MMS22L: variants seen among roughly 807,000 people sequenced by gnomAD.
MMS22L encodes MMS22 like, DNA repair protein.
Under a neutral mutation model 159.1 loss-of-function variants are expected in MMS22L, and 74 were observed. The observed-to-expected ratio is 0.47, with a 90% confidence interval of 0.39 to 0.56. MMS22L has a LOEUF of 0.56. MMS22L is among the 20% of genes least tolerant of loss of function. MMS22L has a pLI of 0.00. For missense variants in MMS22L, 1,351 were observed against 1,422.1 expected (o/e 0.95, Z 0.80); for synonymous variants, 517 against 506.9 (o/e 1.02, Z -0.27).
At chr6:97,231,795 A>G (rs1810902998) in intron 12 of MMS22L, 143 bp from the exon 13 acceptor site, 1 of 649,864 alleles carries the variant, frequency 1.5e-6, no homozygotes, top group Non-Finnish European at 2.6e-6. Context: ...ATTCTCTAAA[A>G]TAAAAATTCC....
At chr6:97,189,737 TTG>T (rs1805676177) in intron 14 of MMS22L, among the ~76,000 whole-genome samples, 1 of 152,002 alleles carries the variant, frequency 6.6e-6, no homozygotes, top group African/African-American at 2.4e-5. Context: ...TGCACCCACT[TTG>T]TGTTTTTGGA....
intron 6 of MMS22L, chr6:97,271,040 T>A (rs1815682505): frequency 6.6e-6 from 1 of 152,038 alleles, no homozygotes; most frequent in Non-Finnish European, 1.5e-5. Flanking sequence ...TTGCAATACA[T>A]AATTCTGAAC....
At chr6:97,210,666 C>T (rs1286288079) in intron 14 of MMS22L, among the ~76,000 whole-genome samples, 1 of 151,904 alleles carries the variant, frequency 6.6e-6, no homozygotes, top group African/African-American at 2.4e-5. Flanking sequence ...AAAGATTGAA[C>T]TGTGTTGTAT....
intron 9 of MMS22L, among the ~76,000 whole-genome samples, chr6:97,255,395 C>T (rs1199529781): frequency 6.6e-6 from 1 of 152,040 alleles, no homozygotes; most frequent in Non-Finnish European, 1.5e-5. Context: ...TTGTAACCAT[C>T]TTAAGTAACA....
intron 6 of MMS22L, 77 bp from the exon 7 acceptor site, chr6:97,270,069 C>G: frequency 9.1e-7 from 1 of 1,093,660 alleles, no homozygotes; most frequent in Non-Finnish European, 1.4e-6. Context: ...TCACAATACT[C>G]CTCCATAAAC....
At chr6:97,274,140 GAC>G (rs1816028080) in intron 4 of MMS22L, among the ~76,000 whole-genome samples, 1 of 152,052 alleles carries the variant, frequency 6.6e-6, no homozygotes, top group Admixed American at 6.6e-5. Context: ...ATGAGTAAGA[GAC>G]AATCTAGTAA....
In MMS22L at chr6:97,229,268, CAGG is replaced by C; in HGVS notation, c.1662_1664del (p.Leu555del). ...TTACAAAAGCAGGCTTGAGGAAATT[CAGG>C]AGGTCTAAAACATGACTTGCAACAT... On this transcript the variant is annotated inframe_deletion, in exon 14 of 25. Coordinates refer to ENST00000683635, the MANE Select transcript of MMS22L (RefSeq NM_001350599.2). The C allele has an allele frequency of 1.9e-6, 3 of 1,614,156 alleles. No homozygotes were observed. The highest frequency in any genetic ancestry group is 2.5e-6 in the Non-Finnish European group (3 of 1,180,014).
At position 97,277,548 on chromosome 6, in the gene MMS22L, A is replaced by AAC. The variant is rs148516763; in HGVS notation, c.340+1299_340+1300dup. On this transcript the variant is annotated intron_variant, in intron 4 of 24. Coordinates refer to ENST00000683635, the MANE Select transcript of MMS22L (RefSeq NM_001350599.2). ...ATGCAATCACACACACTCCAAACAA[A>AAC]ACACACACACACACACAAAATGAAC... Among the ~76,000 whole-genome samples, 132 of 151,210 alleles carry AAC rather than the reference A, an allele frequency of 8.7e-4. 1 individual carries two copies. The highest frequency in any genetic ancestry group is 6.4e-3 in the South Asian group (31 of 4,808).
chr6:97,282,683 C>T (rs1211555271), intron 1 of MMS22L, 130 bp from the exon 2 acceptor site: 2 of 498,492 alleles, frequency 4.0e-6, no homozygotes, highest in East Asian at 7.5e-5. Context: ...CCCTCGCCCT[C>T]CGTCCATCAA....
At chr6:97,212,809 C>T (rs1049226708) in intron 14 of MMS22L, among the ~76,000 whole-genome samples, 2 of 152,008 alleles carry the variant, frequency 1.3e-5, no homozygotes, top group Non-Finnish European at 2.9e-5. Context: ...AAAATTTGCT[C>T]GAATGGTTTT....
intron 19 of MMS22L, among the ~76,000 whole-genome samples, chr6:97,171,874 G>A (rs1803583084): frequency 6.6e-6 from 1 of 152,112 alleles, no homozygotes. Context: ...CCTTTAACAT[G>A]AAGAAATCAT....
chr6:97,241,730 G>A (rs1032696485), intron 11 of MMS22L, among the ~76,000 whole-genome samples: 1 of 152,150 alleles, frequency 6.6e-6, no homozygotes, highest in East Asian at 1.9e-4. Context: ...ACTTTTTGAT[G>A]TAGGCATTTA....
At chr6:97,200,872 A>G (rs9481385) in intron 14 of MMS22L, among the ~76,000 whole-genome samples, 2,726 of 152,256 alleles carry the variant, frequency 0.018, 78 homozygotes, top group African/African-American at 0.063. Flanking sequence ...TTACTTTCAA[A>G]TAAGACAAAG....
intron 4 of MMS22L, 29 bp from the exon 5 acceptor site, chr6:97,273,091 T>C (rs752546880): frequency 1.0e-5 from 16 of 1,552,734 alleles, no homozygotes; most frequent in South Asian, 2.4e-5. Flanking sequence ...ATGTTAATCA[T>C]AGTTCAAATA....
intron 8 of MMS22L, chr6:97,265,149 C>T (rs1814953718): frequency 6.6e-6 from 1 of 152,284 alleles, no homozygotes; most frequent in African/African-American, 2.4e-5. Context: ...TCAAAATATA[C>T]TACAAAGCTA....
At chr6:97,152,724 T>C (rs1294931335) in intron 22 of MMS22L, among the ~76,000 whole-genome samples, 5 of 152,086 alleles carry the variant, frequency 3.3e-5, no homozygotes, top group East Asian at 3.8e-4. Context: ...CACAGCATCC[T>C]TGCCTTTTAC....
chr6:97,254,952 C>A (rs1455062840), intron 9 of MMS22L, among the ~76,000 whole-genome samples: 1 of 152,112 alleles, frequency 6.6e-6, no homozygotes, highest in Non-Finnish European at 1.5e-5. Context: ...CAGTAGTTAA[C>A]AATTTTGCTG....
At chr6:97,178,358 A>T in intron 18 of MMS22L, 85 bp downstream of exon 18, 1 of 1,032,578 alleles carries the variant, frequency 9.7e-7, no homozygotes, top group Non-Finnish European at 1.4e-6. Flanking sequence ...AATTCATTTT[A>T]TAGAAAAACT....
intron 14 of MMS22L, among the ~76,000 whole-genome samples, chr6:97,193,601 C>T (rs1308290175): frequency 1.3e-5 from 2 of 152,262 alleles, no homozygotes; most frequent in East Asian, 3.9e-4. Flanking sequence ...TTGACTACCA[C>T]CAAAATTATC....
Sources: gnomAD v4.1 joint callset for allele counts (sites outside exome capture counted in the v4.1 genomes callset) on GRCh38, gnomAD v4.1.1 for gene constraint, MANE v1.5 for transcripts, NCBI Gene and HGNC (gene_info 2026-07-23, HGNC 2026-07-21) for gene names.